Variants in GBP7 observed in about 807,000 individuals in gnomAD.
GBP7 encodes the protein guanylate-binding protein 7.
A neutral mutation model predicts 61.3 loss-of-function variants in GBP7; 43 were observed. That is an observed-to-expected ratio of 0.70 (90% confidence interval 0.55 to 0.91). The LOEUF (loss-of-function observed/expected upper bound fraction) is 0.91, where lower values mean the gene tolerates loss of function less well. GBP7 is among the 40% of genes least tolerant of loss of function. The pLI is 0.00. For synonymous variants in GBP7, 267 were observed against 271.0 expected (o/e 0.99, Z 0.14); for missense variants, 717 against 740.5 (o/e 0.97, Z 0.37).
chr1:89,160,066 A>G (rs1682402801), intron 3 of GBP7, among the ~76,000 whole-genome samples: 1 of 152,214 alleles, frequency 6.6e-6, no homozygotes, highest in South Asian at 2.1e-4. Flanking sequence ...TTGCAGGGAC[A>G]TGGATGAAGC....
chr1:89,159,975 C>T (rs571632736), intron 3 of GBP7, among the ~76,000 whole-genome samples: 13 of 152,202 alleles, frequency 8.5e-5, no homozygotes, highest in East Asian at 7.7e-4. Flanking sequence ...TGTCCATCAA[C>T]GATAGACTGG....
chr1:89,132,705 G>A (rs773074342), intron 10 of GBP7, among the ~76,000 whole-genome samples: 2 of 152,126 alleles, frequency 1.3e-5, no homozygotes, highest in African/African-American at 2.4e-5. Flanking sequence ...CCTTTCCACC[G>A]ATATAGCAAG....
Position 89,147,641 on chromosome 1 carries a change from C to T in GBP7, c.1291G>A (p.Gly431Arg). 1 of 1,614,118 alleles carries T rather than the reference C, an allele frequency of 6.2e-7. No individual in the cohort carries two copies. The highest frequency in any genetic ancestry group is 8.5e-7 in the Non-Finnish European group (1 of 1,180,010). The change falls in exon 8 of 11, where the codon GGG becomes AGG. Residue 431 changes from glycine (G) to arginine (R), a missense_variant. This residue lies in a region of GBP7 where 312 missense variants were observed against 310.1 expected (regional missense o/e 1.01). Transcript: ENST00000294671. ...ISRGTFFVPG[G>R]HNIYLEAKKK... ...TTTGCTTCTAAGTAGATATTGTGCC[C>T]CCCCGGAACAAAGAAAGTTCCTCTT...
intron 2 of GBP7, among the ~76,000 whole-genome samples, chr1:89,171,244 T>A (rs1647588763): frequency 6.6e-6 from 1 of 152,206 alleles, no homozygotes; most frequent in South Asian, 2.1e-4. Context: ...ATTGGCTTAG[T>A]TAGAAAGACA....
At chr1:89,144,364 A>G (rs1682018942) in intron 8 of GBP7, among the ~76,000 whole-genome samples, 1 of 152,106 alleles carries the variant, frequency 6.6e-6, no homozygotes, top group Non-Finnish European at 1.5e-5. Context: ...TTTTGGTAGA[A>G]TGTTTTATTT....
At chr1:89,167,870 A>G (rs992964917) in intron 2 of GBP7, among the ~76,000 whole-genome samples, 1 of 152,178 alleles carries the variant, frequency 6.6e-6, no homozygotes, top group African/African-American at 2.4e-5. Flanking sequence ...ATAGGATTTT[A>G]TTTTTTTCTC....
chr1:89,170,478 G>T (rs959026383), intron 2 of GBP7, among the ~76,000 whole-genome samples: 3 of 152,164 alleles, frequency 2.0e-5, no homozygotes, highest in South Asian at 2.1e-4. Context: ...CCTCCTTGTT[G>T]CTCAAATGTG....
intron 4 of GBP7, 92 bp downstream of exon 4, chr1:89,152,576 A>G (rs749383379): frequency 1.2e-5 from 18 of 1,499,792 alleles, no homozygotes; most frequent in Non-Finnish European, 1.7e-5. Flanking sequence ...TTACTCAACC[A>G]GGACAACTGA....
intron 8 of GBP7, among the ~76,000 whole-genome samples, chr1:89,146,170 T>C (rs1430416398): frequency 6.6e-6 from 1 of 152,046 alleles, no homozygotes; most frequent in Non-Finnish European, 1.5e-5. Flanking sequence ...TCAAAGACTT[T>C]TCAAAAAAAT....
intron 3 of GBP7, among the ~76,000 whole-genome samples, chr1:89,158,627 A>C (rs1386100316): frequency 6.6e-6 from 1 of 152,100 alleles, no homozygotes; most frequent in East Asian, 1.9e-4. Context: ...CAAAGAGAAT[A>C]AAATACCTAG....
chr1:89,152,728 C>T lies in GBP7; in HGVS notation c.368G>A (p.Ser123Asn). 2 of 1,612,126 alleles carry T rather than the reference C, an allele frequency of 1.2e-6. No individual in the cohort carries two copies. The highest frequency in any genetic ancestry group is 1.7e-6 in the Non-Finnish European group (2 of 1,179,704). ...SWIFALAVLLSSSFVYNSMGT... is the reference protein window; with the variant it reads ...SWIFALAVLLNSSFVYNSMGT... ...CATGCTGTTGTAGACAAAGCTGCTG[C>T]TTAGAAGCACAGCCAGGGCAAAGAT... is the stretch of plus-strand genomic sequence containing the variant. The change falls in exon 4 of 11, where the codon AGC (serine) becomes AAC (asparagine). Residue 123 changes from serine (S) to asparagine (N), a missense_variant. This residue lies in a region of GBP7 where 387 missense variants were observed against 385.2 expected (regional missense o/e 1.00). Coordinates refer to ENST00000294671, the MANE Select transcript of GBP7 (RefSeq NM_207398.3).
intron 9 of GBP7, among the ~76,000 whole-genome samples, chr1:89,134,443 T>G (rs796294117): frequency 6.6e-6 from 1 of 152,134 alleles, no homozygotes; most frequent in Non-Finnish European, 1.5e-5. Flanking sequence ...CATCGGTGTG[T>G]TGTTGCCAGT....
chr1:89,134,496 AC>A (rs752029686), intron 9 of GBP7, among the ~76,000 whole-genome samples: 2 of 151,990 alleles, frequency 1.3e-5, no homozygotes, highest in Non-Finnish European at 2.9e-5. Context: ...CAGGTGCTTA[AC>A]CTAGAGGGGC....
At chr1:89,146,979 T>C (rs1246967939) in intron 8 of GBP7, among the ~76,000 whole-genome samples, 1 of 152,248 alleles carries the variant, frequency 6.6e-6, no homozygotes, top group Admixed American at 6.5e-5. Flanking sequence ...GATTGTGTCA[T>C]AGGAAATTTA....
intron 1 of GBP7, among the ~76,000 whole-genome samples, chr1:89,172,759 A>G (rs1409467088): frequency 1.1e-5 from 1 of 87,350 alleles, no homozygotes; most frequent in Non-Finnish European, 2.5e-5. Context: ...ATCTCATCAT[A>G]CTTTTTTTTT....
At chr1:89,154,945 C>T (rs561103196) in intron 3 of GBP7, among the ~76,000 whole-genome samples, 36 of 152,170 alleles carry the variant, frequency 2.4e-4, no homozygotes, top group Non-Finnish European at 7.3e-5. Flanking sequence ...TGGGAGGCAC[C>T]TCCCAGTAGG....
At chr1:89,148,123 A>T (rs1557456694) in intron 7 of GBP7, among the ~76,000 whole-genome samples, 1 of 152,238 alleles carries the variant, frequency 6.6e-6, no homozygotes. Flanking sequence ...CTTCTGGATA[A>T]TCACATCCCA....
chr1:89,137,955 G>A (rs191822241), intron 9 of GBP7, among the ~76,000 whole-genome samples: 1 of 152,138 alleles, frequency 6.6e-6, no homozygotes, highest in East Asian at 1.9e-4. Context: ...AAAGTTTCAG[G>A]ATAAAAAAGT....
chr1:89,164,804 C>G lies in GBP7; in HGVS notation c.245G>C (p.Cys82Ser). 6.2e-7 allele frequency: 1 copy of G among 1,613,912 alleles called. No homozygotes were observed. The highest frequency in any genetic ancestry group is 8.5e-7 in the Non-Finnish European group (1 of 1,179,870). The change falls in exon 3 of 11, where the codon TGT becomes TCT. Residue 82 changes from cysteine to serine, a missense_variant. Physicochemically the swap from Cys to Ser is moderately radical, Grantham distance 112. This residue lies in a region of GBP7 where 387 missense variants were observed against 385.2 expected (regional missense o/e 1.00). Coordinates refer to ENST00000294671, the MANE Select transcript of GBP7 (RefSeq NM_207398.3). The part of the protein sequence containing the change: ...KSETKGIWMW[C>S]VPHPSKPNHT... The stretch of plus-strand genomic sequence containing the variant: ...GTTTGGCTTGGAGGGGTGGGGCACA[C>G]ACCACATCCAGATGCCTTTGGTTTC...
Sources: allele counts gnomAD v4.1 joint callset (sites outside exome capture counted in the v4.1 genomes callset), GRCh38; gene constraint gnomAD v4.1.1; regional missense constraint gnomAD v4.1.1; transcripts MANE v1.5; gene names NCBI Gene and HGNC (gene_info 2026-07-23, HGNC 2026-07-21).